Variants in KIAA1328 observed in about 807,000 individuals in gnomAD.
KIAA1328 encodes the protein protein hinderin.
In KIAA1328, 52 loss-of-function variants were observed where a neutral mutation model predicts 68.1. The observed-to-expected ratio is 0.76, with a 90% CI of 0.61 to 0.96. The LOEUF is 0.96. Among genes scored for constraint, KIAA1328 ranks in the 40% least tolerant of loss-of-function variants. KIAA1328 has a pLI of 0.00. For missense variants in KIAA1328, 641 were observed against 677.6 expected, an observed-to-expected ratio of 0.95 and a Z score of 0.60; for synonymous variants, 232 against 239.4, an observed-to-expected ratio of 0.97 and a Z score of 0.28.
At chr18:37,033,741 T>C (rs2054921551) in intron 6 of KIAA1328, among the ~76,000 whole-genome samples, 1 of 152,262 alleles carries the variant, frequency 6.6e-6, no homozygotes, top group Non-Finnish European at 1.5e-5. Context: ...GATTCTGTCA[T>C]GCCATTTCTG....
intron 4 of KIAA1328, among the ~76,000 whole-genome samples, chr18:36,848,012 C>G (rs967577207): frequency 5.3e-5 from 8 of 151,582 alleles, no homozygotes; most frequent in African/African-American, 1.9e-4. Context: ...TCAGGTAAAT[C>G]CTTTAGCTTT....
chr18:36,885,699 A>T (rs2048474882), intron 5 of KIAA1328, 27 bp downstream of exon 5: 1 of 1,393,432 alleles, frequency 7.2e-7, no homozygotes, highest in Non-Finnish European at 9.8e-7. Flanking sequence ...TCTCTTTTTT[A>T]ACGTTCAAGA....
Position 37,021,512 on chromosome 18 carries a change from C to G in KIAA1328, c.577-45378C>G, listed in dbSNP as rs530124291. On this transcript the variant is annotated intron_variant, in intron 6 of 9. Coordinates refer to ENST00000280020, the MANE Select transcript of KIAA1328 (RefSeq NM_020776.3). ...ATGCCCTTAGCACAACAACCAAATT[C>G]TGACTCTCAATATGGCATTTCACAG... Among the ~76,000 whole-genome samples, 185 of 152,288 alleles carry G rather than the reference C, an allele frequency of 1.2e-3. 1 individual carries two copies. The highest frequency in any genetic ancestry group is 4.4e-3 in the African/African-American group (182 of 41,572).
intron 7 of KIAA1328, among the ~76,000 whole-genome samples, chr18:37,070,611 C>T (rs1237925910): frequency 2.7e-5 from 4 of 150,718 alleles, no homozygotes; most frequent in African/African-American, 9.8e-5. Context: ...GTCTCTGTCG[C>T]TGAGGTTGGA....
At chr18:37,200,803 G>T (rs1482099501) in intron 9 of KIAA1328, among the ~76,000 whole-genome samples, 4 of 146,270 alleles carry the variant, frequency 2.7e-5, no homozygotes. Context: ...GGGCGACAGA[G>T]CGAGACTCCG....
At chr18:37,192,998 A>T (rs1029603263) in intron 9 of KIAA1328, among the ~76,000 whole-genome samples, 3 of 152,106 alleles carry the variant, frequency 2.0e-5, no homozygotes, top group Admixed American at 6.6e-5. Context: ...AATTTGCCCA[A>T]ATTTGCTTTT....
rs143768183 is a variant in KIAA1328, at chr18:37,057,776, C to T, written c.577-9114C>T. On this transcript the variant is annotated intron_variant, in intron 6 of 9. Coordinates refer to ENST00000280020, the MANE Select transcript of KIAA1328 (RefSeq NM_020776.3). ...TTCACTGCCTATAAATAAGGTTTTACTGTAACACAGATACAACCATTGTCC... is the reference window on the plus strand; with the variant it reads ...TTCACTGCCTATAAATAAGGTTTTATTGTAACACAGATACAACCATTGTCC... 3.3e-3 allele frequency among the ~76,000 whole-genome samples: 502 copies of T among 152,186 alleles called. 1 individual carries two copies. The highest frequency in any genetic ancestry group is 0.01 in the Middle Eastern group (3 of 294).
chr18:37,012,354 C>A (rs1463954704), intron 6 of KIAA1328, among the ~76,000 whole-genome samples: 1 of 152,196 alleles, frequency 6.6e-6, no homozygotes, highest in Admixed American at 6.5e-5. Flanking sequence ...TCCACAACTG[C>A]TTCTTCTTAC....
At chr18:37,079,891 A>AG (rs2056890264) in intron 7 of KIAA1328, among the ~76,000 whole-genome samples, 1 of 151,988 alleles carries the variant, frequency 6.6e-6, no homozygotes, top group Admixed American at 6.6e-5. Flanking sequence ...TCTCAAAAAA[A>AG]AAAAAAAAAA....
At chr18:37,216,630 T>C (rs2060440449) in intron 9 of KIAA1328, among the ~76,000 whole-genome samples, 2 of 152,218 alleles carry the variant, frequency 1.3e-5, no homozygotes, top group Admixed American at 1.3e-4. Flanking sequence ...GAGAGTTATG[T>C]AGACATCTGT....
intron 7 of KIAA1328, among the ~76,000 whole-genome samples, chr18:37,097,175 C>T (rs1384163793): frequency 5.9e-5 from 9 of 152,150 alleles, no homozygotes; most frequent in Admixed American, 3.9e-4. Context: ...ATGGTATTGC[C>T]TAGGTTTCTT....
rs376558831 is a variant in KIAA1328 at position 37,066,951 on chromosome 18, G to C, written c.638G>C (p.Ser213Thr). The C allele has an allele frequency of 1.9e-6, 3 of 1,611,556 alleles. No individual in the cohort carries two copies. Among genetic ancestry groups the C allele is most frequent in the Non-Finnish European group, 2.5e-6 (3 of 1,178,672 alleles). The change falls in exon 7 of 10, where the codon AGC becomes ACC. Residue 213 changes from serine to threonine, a missense_variant. Transcript: ENST00000280020. ...SSVELDGSYLSIARPQTYYQT... is the reference protein window; with the variant it reads ...SSVELDGSYLTIARPQTYYQT... The stretch of plus-strand genomic sequence containing the variant: ...GTGGAACTGGATGGTTCCTACTTGA[G>C]CATAGCCAGACCACAGACCTACTAT...
At chr18:37,116,034 T>C (rs1267900730) in intron 7 of KIAA1328, among the ~76,000 whole-genome samples, 3 of 152,168 alleles carry the variant, frequency 2.0e-5, no homozygotes, top group Admixed American at 6.5e-5. Context: ...TGGAAGAACA[T>C]TCCATGCTCA....
At chr18:36,879,370 T>C (rs765366547) in intron 4 of KIAA1328, among the ~76,000 whole-genome samples, 19 of 152,196 alleles carry the variant, frequency 1.2e-4, no homozygotes, top group Non-Finnish European at 2.4e-4. Context: ...ACAGCAAAGA[T>C]TGCTACCTGC....
chr18:36,959,110 C>T (rs2051545692), intron 5 of KIAA1328, among the ~76,000 whole-genome samples, 198 bp from the exon 6 acceptor site: 1 of 151,948 alleles, frequency 6.6e-6, no homozygotes, highest in Non-Finnish European at 1.5e-5. Flanking sequence ...TTCATTGTTA[C>T]TCTCTTTGTG....
chr18:37,081,384 C>G (rs1468789028), intron 7 of KIAA1328, among the ~76,000 whole-genome samples: 1 of 152,200 alleles, frequency 6.6e-6, no homozygotes, highest in Admixed American at 6.5e-5. Flanking sequence ...GACCATAAAT[C>G]TATCCATTTA....
At chr18:36,863,524 T>G (rs2047639386) in intron 4 of KIAA1328, among the ~76,000 whole-genome samples, 1 of 152,170 alleles carries the variant, frequency 6.6e-6, no homozygotes, top group African/African-American at 2.4e-5. Flanking sequence ...CACAATAATT[T>G]TGGAATAAGC....
At chr18:36,999,928 C>CAA (rs2053526995) in intron 6 of KIAA1328, among the ~76,000 whole-genome samples, 1 of 150,972 alleles carries the variant, frequency 6.6e-6, no homozygotes, top group Non-Finnish European at 1.5e-5. Context: ...ATGAAAAACA[C>CAA]TAAGAGAAAA....
At chr18:36,864,157 A>G (rs969497693) in intron 4 of KIAA1328, among the ~76,000 whole-genome samples, 2 of 152,326 alleles carry the variant, frequency 1.3e-5, no homozygotes, top group African/African-American at 2.4e-5. Context: ...TTATGATTGC[A>G]TGCTGAATTT....
Sources: allele counts gnomAD v4.1 joint callset (sites outside exome capture counted in the v4.1 genomes callset), GRCh38; gene constraint gnomAD v4.1.1; transcripts MANE v1.5; gene names NCBI Gene and HGNC (gene_info 2026-07-23, HGNC 2026-07-21).